LCP2: variants seen among roughly 807,000 people sequenced by gnomAD.
The protein encoded by LCP2 is 76 kDa tyrosine phosphoprotein.
LCP2 carries 29 observed loss-of-function variants against 74.5 expected under a neutral mutation model. The ratio of observed to expected loss-of-function variants is 0.39; its 90% CI spans 0.29 to 0.53. The LOEUF (loss-of-function observed/expected upper bound fraction) is 0.53. Among genes scored for constraint, LCP2 ranks in the 20% least tolerant of loss-of-function variants. LCP2 has a pLI of 0.72. For missense variants in LCP2, 604 were observed against 634.6 expected, an observed-to-expected ratio of 0.95 and a Z score of 0.52; for synonymous variants, 228 against 229.5, an observed-to-expected ratio of 0.99 and a Z score of 0.06.
chr5:170,289,655 T>TCTCTCTCTCTCTCTCTC (rs1561978367), intron 2 of LCP2, among the ~76,000 whole-genome samples: 1 of 113,818 alleles, frequency 8.8e-6, no homozygotes, highest in African/African-American at 3.5e-5. Flanking sequence ...CTTTCTTTCT[T>TCTCTCTCTCTCTCTCTC]TCTTTCTTTC....
Position 170,250,766 on chromosome 5 carries a change from T to C in LCP2, c.1443A>G (p.Gln481=). Residue 481 remains glutamine (Q), a synonymous_variant, in exon 20 of 21, where the codon CAA becomes CAG. Transcript: ENST00000046794. ...GGAGTCCAGTTCCCAACAAGTAAACTTGACTTTCCTTCTGATAACGGATCT... is the reference window on the plus strand; with the variant it reads ...GGAGTCCAGTTCCCAACAAGTAAACCTGACTTTCCTTCTGATAACGGATCT... ...NIQIRYQKES[Q]VYLLGTGLRG... 1 of 1,613,528 alleles carries C rather than the reference T, an allele frequency of 6.2e-7. No homozygotes were observed.
chr5:170,267,186 C>A lies in LCP2; in HGVS notation c.622-111G>T, dbSNP rs576812140. The A allele has an allele frequency of 4.6e-6, 5 of 1,079,404 alleles. No individual in the cohort carries two copies. The South Asian group carries it at 5.3e-5, about 11-fold the overall frequency. The allele number at this position is 1,079,404 out of a possible 1,614,324, so 66.9% of individuals were successfully genotyped here. A position where few individuals can be genotyped will look rare whatever the true frequency, so the allele number is the denominator to read the frequency against. ...TTTCCTCATCTTCATGTTCTGCCTACAAACATCCATGTCCATTTCTTCACT... is the reference window on the plus strand; with the variant it reads ...TTTCCTCATCTTCATGTTCTGCCTAAAAACATCCATGTCCATTTCTTCACT... On this transcript the variant is annotated intron_variant, in intron 8 of 20. Coordinates refer to ENST00000046794, the MANE Select transcript of LCP2 (RefSeq NM_005565.5).
chr5:170,272,408 C>T (rs1190987869), intron 6 of LCP2, among the ~76,000 whole-genome samples: 1 of 152,060 alleles, frequency 6.6e-6, no homozygotes, highest in Non-Finnish European at 1.5e-5. Context: ...TGACCTAAAC[C>T]TTACTTGATT....
At chr5:170,283,107 A>C (rs943634702) in intron 3 of LCP2, among the ~76,000 whole-genome samples, 1 of 152,148 alleles carries the variant, frequency 6.6e-6, no homozygotes, top group African/African-American at 2.4e-5. Flanking sequence ...CCTTCCCTTG[A>C]TATTTTCTCC....
intron 19 of LCP2, chr5:170,251,773 C>T: frequency 2.5e-6 from 1 of 394,198 alleles, no homozygotes; most frequent in Non-Finnish European, 5.3e-6. Flanking sequence ...ACAGCACCCC[C>T]AGAATAATTA....
intron 17 of LCP2, among the ~76,000 whole-genome samples, chr5:170,254,466 A>G (rs1222057251): frequency 6.6e-6 from 1 of 152,196 alleles, no homozygotes; most frequent in Non-Finnish European, 1.5e-5. Context: ...GTTTTTAAAC[A>G]AGTCTCCTGA....
chr5:170,246,917 G>A lies in LCP2; in HGVS notation c.*1780C>T, dbSNP rs1761311887. On this transcript the variant is annotated 3_prime_UTR_variant, in exon 21 of 21. Coordinates refer to ENST00000046794, the MANE Select transcript of LCP2 (RefSeq NM_005565.5). ...CTTCCCAACATTGATTTCAGTCATA[G>A]CCATGGAACAGAACATCTTAATCCT... 1 of 152,214 alleles carries A rather than the reference G, an allele frequency of 6.6e-6. No individual in the cohort carries two copies. The highest frequency in any genetic ancestry group is 2.4e-5 in the African/African-American group (1 of 41,442). 9.4% of individuals were successfully genotyped at this position (152,214 alleles called of 1,614,324 possible).
At chr5:170,254,300 T>A (rs1761510563) in intron 17 of LCP2, among the ~76,000 whole-genome samples, 1 of 152,154 alleles carries the variant, frequency 6.6e-6, no homozygotes, top group South Asian at 2.1e-4. Context: ...CACCTGGGGC[T>A]CAGAAATCTG....
chr5:170,268,592 C>T lies in LCP2; in HGVS notation c.524-110G>A, dbSNP rs901274220. 5 of 160,780 alleles carry T rather than the reference C, an allele frequency of 3.1e-5. No homozygotes were observed. In the South Asian group the frequency reaches 6.8e-4, roughly 22 times the overall value. The allele number at this position is 160,780 out of a possible 1,614,324, so 10.0% of individuals were successfully genotyped here. A position where few individuals can be genotyped will look rare whatever the true frequency, so the allele number is the denominator to read the frequency against. ...ACCGGGGGTGCATGATCCTTGACCC[C>T]CAGGCCCACATGAGCCCCAGCCACG... On this transcript the variant is annotated intron_variant, in intron 7 of 20. Coordinates refer to ENST00000046794, the MANE Select transcript of LCP2 (RefSeq NM_005565.5).
intron 6 of LCP2, among the ~76,000 whole-genome samples, chr5:170,271,898 C>T (rs1389867028): frequency 1.3e-5 from 2 of 152,158 alleles, no homozygotes; most frequent in South Asian, 2.1e-4. Flanking sequence ...ACTGTCTTTA[C>T]GTTGTTCTGT....
At chr5:170,265,179 G>A (rs1185101041) in intron 10 of LCP2, among the ~76,000 whole-genome samples, 2 of 151,800 alleles carry the variant, frequency 1.3e-5, no homozygotes, top group Non-Finnish European at 2.9e-5. Context: ...AATAGAGACG[G>A]GGTTTCACCG....
At chr5:170,283,295 C>T (rs906320049) in intron 3 of LCP2, among the ~76,000 whole-genome samples, 1 of 152,166 alleles carries the variant, frequency 6.6e-6, no homozygotes. Context: ...ATAATTCTCC[C>T]GTTCACACTA....
chr5:170,264,363 G>A (rs1340179019), intron 10 of LCP2, among the ~76,000 whole-genome samples: 5 of 152,306 alleles, frequency 3.3e-5, no homozygotes, highest in Admixed American at 6.5e-5. Flanking sequence ...TAGTTAACTC[G>A]CCTTTCTTTC....
chr5:170,290,176 AT>A (rs1762265752), intron 2 of LCP2, among the ~76,000 whole-genome samples: 1 of 152,226 alleles, frequency 6.6e-6, no homozygotes, highest in East Asian at 1.9e-4. Flanking sequence ...TTGCATGATG[AT>A]TTTGGAGTTA....
chr5:170,280,252 C>T (rs989371565), intron 3 of LCP2, among the ~76,000 whole-genome samples: 3 of 151,918 alleles, frequency 2.0e-5, no homozygotes, highest in African/African-American at 7.3e-5. Context: ...GGACAAGGCT[C>T]CCGGCTCCTG....
At chr5:170,265,219 C>T (rs185962200) in intron 10 of LCP2, among the ~76,000 whole-genome samples, 1,644 of 152,130 alleles carry the variant, frequency 0.011, 14 homozygotes, top group Non-Finnish European at 0.018. Context: ...CATCTCCTGA[C>T]GTTGTGATCT....
rs748688123 is a variant in LCP2 at position 170,274,293 on chromosome 5, A to G, written c.324+8T>C. 5 of 1,612,886 alleles carry G rather than the reference A, an allele frequency of 3.1e-6. No individual in the cohort carries two copies. The East Asian group carries it at 1.1e-4, about 36-fold the overall frequency. On this transcript the variant is annotated splice_region_variant and intron_variant, in intron 6 of 20. Coordinates refer to ENST00000046794, the MANE Select transcript of LCP2 (RefSeq NM_005565.5). ...TAAAGGTGCAAGAACAGCCCACACCATACTCACAAAGGACGACCAGCCCCC... is the reference window on the plus strand; with the variant it reads ...TAAAGGTGCAAGAACAGCCCACACCGTACTCACAAAGGACGACCAGCCCCC...
At chr5:170,274,990 A>C (rs1049968834) in intron 5 of LCP2, among the ~76,000 whole-genome samples, 1 of 151,936 alleles carries the variant, frequency 6.6e-6, no homozygotes, top group African/African-American at 2.4e-5. Context: ...AAAAAAAAAA[A>C]AAAAACTCAG....
intron 15 of LCP2, 181 bp from the exon 16 acceptor site, chr5:170,258,347 T>G: frequency 1.7e-6 from 1 of 575,972 alleles, no homozygotes; most frequent in South Asian, 2.5e-5. Context: ...TCTAGATGAC[T>G]TAACCACCAT....
Sources: gnomAD v4.1 joint callset for allele counts (sites outside exome capture counted in the v4.1 genomes callset) on GRCh38, gnomAD v4.1.1 for gene constraint, MANE v1.5 for transcripts, NCBI Gene and HGNC (gene_info 2026-07-23, HGNC 2026-07-21) for gene names.